The following LDB2 variants were observed in gnomAD, a reference collection of about 807,000 sequenced individuals.
LDB2 encodes the protein LIM domain-binding protein 2.
In LDB2, 12 loss-of-function variants were observed where a neutral mutation model predicts 44.3. That is an observed-to-expected ratio of 0.27 (90% CI 0.17 to 0.44). The LOEUF is 0.44. Ranked by LOEUF, LDB2 falls within the 20% of genes least tolerant of loss-of-function variation. LDB2 has a pLI of 1.00. For synonymous variants in LDB2, 164 were observed against 174.8 expected, an observed-to-expected ratio of 0.94 and a Z score of 0.49; for missense variants, 344 against 473.5, an observed-to-expected ratio of 0.73 and a Z score of 2.54.
At chr4:16,668,530 G>A (rs1201287940) in intron 2 of LDB2, among the ~76,000 whole-genome samples, 1 of 152,118 alleles carries the variant, frequency 6.6e-6, no homozygotes. Context: ...ATGCCATGAA[G>A]GCCACTACAC....
At chr4:16,641,320 T>C (rs1191466522) in intron 2 of LDB2, among the ~76,000 whole-genome samples, 1 of 152,170 alleles carries the variant, frequency 6.6e-6, no homozygotes, top group African/African-American at 2.4e-5. Flanking sequence ...ACAAGGCATG[T>C]TCAATGAGAA....
At chr4:16,824,682 C>T (rs1242016331) in intron 1 of LDB2, among the ~76,000 whole-genome samples, 1 of 152,250 alleles carries the variant, frequency 6.6e-6, no homozygotes, top group African/African-American at 2.4e-5. Context: ...CCTGGTTCTA[C>T]ACACTCTCCT....
At chr4:16,707,673 T>G (rs1325003901) in intron 2 of LDB2, among the ~76,000 whole-genome samples, 3 of 150,346 alleles carry the variant, frequency 2.0e-5, no homozygotes, top group African/African-American at 7.3e-5. Context: ...ACACCTGTCT[T>G]TTTTTTTTTC....
At chr4:16,680,313 GAC>G (rs1276258440) in intron 2 of LDB2, among the ~76,000 whole-genome samples, 1 of 152,150 alleles carries the variant, frequency 6.6e-6, no homozygotes, top group Non-Finnish European at 1.5e-5. Flanking sequence ...TGCAAACGAA[GAC>G]ACCTTTCTCC....
At chr4:16,664,867 A>T (rs1268416061) in intron 2 of LDB2, among the ~76,000 whole-genome samples, 3 of 152,254 alleles carry the variant, frequency 2.0e-5, no homozygotes, top group African/African-American at 7.2e-5. Flanking sequence ...TTGGGTCAAG[A>T]GAACTGCAAG....
intron 2 of LDB2, among the ~76,000 whole-genome samples, chr4:16,727,448 C>T (rs759288968): frequency 5.3e-5 from 8 of 152,318 alleles, no homozygotes; most frequent in Middle Eastern, 3.4e-3. Context: ...ATGGGGAATG[C>T]AGTTGAAACG....
chr4:16,800,675 T>G (rs993438171), intron 1 of LDB2, among the ~76,000 whole-genome samples: 1 of 152,254 alleles, frequency 6.6e-6, no homozygotes, highest in Non-Finnish European at 1.5e-5. Flanking sequence ...TTTGTTTTTG[T>G]TTTTGTTTTG....
At chr4:16,892,926 G>T (rs1020699035) in intron 1 of LDB2, 38 of 173,638 alleles carry the variant, frequency 2.2e-4, no homozygotes, top group Non-Finnish European at 4.1e-4. Flanking sequence ...AATGTGAGTT[G>T]AAAGTTCTTT....
intron 2 of LDB2, among the ~76,000 whole-genome samples, chr4:16,751,869 A>G (rs1316042668): frequency 6.6e-6 from 1 of 152,188 alleles, no homozygotes; most frequent in Non-Finnish European, 1.5e-5. Flanking sequence ...TACAAATCTC[A>G]CCAGCCTAAT....
chr4:16,868,881 T>C (rs1715580077), intron 1 of LDB2, among the ~76,000 whole-genome samples: 2 of 152,186 alleles, frequency 1.3e-5, no homozygotes, highest in South Asian at 2.1e-4. Context: ...ATGATTTTGG[T>C]GATGATGATG....
intron 2 of LDB2, among the ~76,000 whole-genome samples, chr4:16,596,790 G>A (rs1721053028): frequency 6.6e-6 from 1 of 152,116 alleles, no homozygotes; most frequent in African/African-American, 2.4e-5. Flanking sequence ...AAGTAGCTGG[G>A]CCTTTCTGAT....
intron 1 of LDB2, among the ~76,000 whole-genome samples, chr4:16,763,465 C>CACACACAA (rs1554008009): frequency 6.6e-6 from 1 of 151,960 alleles, no homozygotes; most frequent in Non-Finnish European, 1.5e-5. Flanking sequence ...CACACACACA[C>CACACACAA]ACACACACAC....
intron 2 of LDB2, among the ~76,000 whole-genome samples, chr4:16,738,398 G>T (rs1460469630): frequency 1.3e-5 from 2 of 152,174 alleles, no homozygotes; most frequent in Non-Finnish European, 2.9e-5. Flanking sequence ...AAGAGGAGGA[G>T]GAGGAAGGTG....
chr4:16,776,710 G>A (rs1771988768), intron 1 of LDB2, among the ~76,000 whole-genome samples: 1 of 152,230 alleles, frequency 6.6e-6, no homozygotes, highest in Non-Finnish European at 1.5e-5. Flanking sequence ...AATGAAATAT[G>A]TCATTTATTA....
At chr4:16,751,799 A>G (rs1366131163) in intron 2 of LDB2, among the ~76,000 whole-genome samples, 1 of 152,214 alleles carries the variant, frequency 6.6e-6, no homozygotes, top group East Asian at 1.9e-4. Flanking sequence ...GAATCCATGA[A>G]TGAGTGCAGG....
chr4:16,588,754 T>C lies in LDB2; in HGVS notation c.487A>G (p.Arg163Gly). The C allele has an allele frequency of 6.2e-7, 1 of 1,613,968 alleles. No individual in the cohort carries two copies. The highest frequency in any genetic ancestry group is 8.5e-7 in the Non-Finnish European group (1 of 1,179,836). The change falls in exon 4 of 8, where the codon AGA (arginine) becomes GGA (glycine). Residue 163 changes from arginine to glycine, a missense_variant. Transcript: ENST00000304523. ...MRIKTWHFTI[R>G]QYRELVPRSI... ...CTCGGGACTAACTCTCGGTATTGTC[T>C]AATGGTAAAGTGCCATGTTTTGATT...
At chr4:16,711,344 C>T (rs1319462194) in intron 2 of LDB2, among the ~76,000 whole-genome samples, 1 of 152,200 alleles carries the variant, frequency 6.6e-6, no homozygotes, top group Non-Finnish European at 1.5e-5. Flanking sequence ...GGACACTGTG[C>T]TGGGCTCTCT....
intron 1 of LDB2, among the ~76,000 whole-genome samples, chr4:16,852,425 C>T (rs1038587332): frequency 2.0e-5 from 3 of 152,146 alleles, no homozygotes; most frequent in Non-Finnish European, 4.4e-5. Flanking sequence ...TGAACTTCCA[C>T]ACACATGGGA....
rs141663382 is a variant in LDB2 at position 16,776,591 on chromosome 4, C to T, written c.133-17331G>A. 3.9e-3 allele frequency among the ~76,000 whole-genome samples: 599 copies of T among 152,230 alleles called. 5 individuals carry two copies. Among genetic ancestry groups the T allele is most frequent in the African/African-American group, 0.014 (580 of 41,528 alleles). On this transcript the variant is annotated intron_variant, in intron 1 of 7. Coordinates refer to ENST00000304523, the MANE Select transcript of LDB2 (RefSeq NM_001290.5). The stretch of plus-strand genomic sequence containing the variant: ...AAATATGCAGTGAGCGCCTACTTTG[C>T]GCGAGACACTCTTCTAGGATTTAGT...
Sources: gnomAD v4.1 joint callset for allele counts (sites outside exome capture counted in the v4.1 genomes callset) on GRCh38, gnomAD v4.1.1 for gene constraint, MANE v1.5 for transcripts, NCBI Gene and HGNC (gene_info 2026-07-23, HGNC 2026-07-21) for gene names.